The following MIB1 variants were observed in gnomAD, a reference collection of about 807,000 sequenced individuals.
MIB1 encodes E3 ubiquitin-protein ligase MIB1.
A neutral mutation model predicts 124.5 loss-of-function variants in MIB1; 278 were observed. The observed-to-expected ratio is 2.23, with a 90% CI of 2.02 to 2.47. MIB1 has a LOEUF of 2.47. Ranked by LOEUF, MIB1 falls within the 30% of genes most tolerant of loss-of-function variation. MIB1 has a pLI of 0.00. For missense variants in MIB1, 957 were observed against 1,254.4 expected, an observed-to-expected ratio of 0.76 and a Z score of 3.58; for synonymous variants, 446 against 429.4, an observed-to-expected ratio of 1.04 and a Z score of -0.48.
chr18:21,743,221 A>T, intron 1 of MIB1, among the ~76,000 whole-genome samples: 1 of 152,246 alleles, frequency 6.6e-6, no homozygotes, highest in Middle Eastern at 3.2e-3. Flanking sequence ...CATGGCAAGC[A>T]TGTGTGTGAC....
At chr18:21,840,665 A>ATTTTT (rs375520508) in intron 13 of MIB1, among the ~76,000 whole-genome samples, 1 of 3,138 alleles carries the variant, frequency 3.2e-4, no homozygotes, top group African/African-American at 4.3e-4. Flanking sequence ...ATATATATAT[A>ATTTTT]TTTTTTTTTT....
At chr18:21,833,673 G>A (rs560832927) in intron 12 of MIB1, among the ~76,000 whole-genome samples, 2 of 152,298 alleles carry the variant, frequency 1.3e-5, no homozygotes, top group East Asian at 3.9e-4. Context: ...CCTAAAAATT[G>A]ACCCAGTGCC....
chr18:21,864,533 G>C lies in MIB1; in HGVS notation c.2888G>C (p.Cys963Ser). Residue 963 changes from cysteine (C) to serine (S), a missense_variant, in exon 21 of 21, where the codon TGC (cysteine) becomes TCC (serine). By Grantham distance (112) the Cys-to-Ser change is moderately radical. Transcript: ENST00000261537. ...QLQDIKEQTM[C>S]PVCLDRLKNM... ...TGTTATCTCACATTACAGACAATGT[G>C]CCCTGTGTGTCTAGATCGTCTGAAG... is the stretch of plus-strand genomic sequence containing the variant. The C allele has an allele frequency of 6.2e-7, 1 of 1,611,778 alleles. No individual in the cohort carries two copies. Among genetic ancestry groups the C allele is most frequent in the Non-Finnish European group, 8.5e-7 (1 of 1,178,196 alleles).
Position 21,791,372 on chromosome 18 carries a change from A to T in MIB1, c.909-2A>T, listed in dbSNP as rs1467129444. On this transcript the variant is annotated splice_acceptor_variant, in intron 6 of 20. Transcript: ENST00000261537. LOFTEE classifies it high-confidence loss of function. ...TTTTGAGGTTTAGCTTTGCTCTTGT[A>T]GGTGGACCTTCAATCCTGCTGTTCT... 1 of 1,604,170 alleles carries T rather than the reference A, an allele frequency of 6.2e-7. No individual in the cohort carries two copies. Among genetic ancestry groups the T allele is most frequent in the Admixed American group, 1.7e-5 (1 of 58,674 alleles).
At chr18:21,799,813 A>G (rs370107979) in intron 8 of MIB1, 28 bp from the exon 9 acceptor site, 2 of 1,598,408 alleles carry the variant, frequency 1.3e-6, no homozygotes, top group Non-Finnish European at 1.7e-6. Flanking sequence ...ATCCTCCTAT[A>G]TTAGCAGCTT....
chr18:21,727,731 G>GT (rs1450642363), intron 1 of MIB1, among the ~76,000 whole-genome samples: 2 of 152,154 alleles, frequency 1.3e-5, no homozygotes, highest in Non-Finnish European at 1.5e-5. Flanking sequence ...TGCAGCCTGG[G>GT]TGACAGAGCA....
At chr18:21,705,437 GA>G (rs1287432022) in intron 1 of MIB1, among the ~76,000 whole-genome samples, 1 of 152,186 alleles carries the variant, frequency 6.6e-6, no homozygotes, top group Non-Finnish European at 1.5e-5. Context: ...GAGACTTATG[GA>G]AATTCACACC....
At chr18:21,774,867 C>T (rs2041263170) in intron 4 of MIB1, among the ~76,000 whole-genome samples, 1 of 150,868 alleles carries the variant, frequency 6.6e-6, no homozygotes, top group Admixed American at 6.6e-5. Context: ...GGCTGGAATG[C>T]AGTGGCCTGA....
chr18:21,735,417 G>A (rs2040792062), intron 1 of MIB1, among the ~76,000 whole-genome samples: 1 of 152,006 alleles, frequency 6.6e-6, no homozygotes, highest in South Asian at 2.1e-4. Context: ...CAGGGCCCTG[G>A]GTTTCAAGCA....
At position 21,803,123 on chromosome 18, in the gene MIB1, A is replaced by C. The variant is rs1441393028; in HGVS notation, c.1372-784A>C. On this transcript the variant is annotated intron_variant, in intron 9 of 20. Coordinates refer to ENST00000261537, the MANE Select transcript of MIB1 (RefSeq NM_020774.4). ...TTTCCATTTGTTTTCTCTCTTTCAC[A>C]AATGTGTTACTTTTTCTTGTTTTCT... Among the ~76,000 whole-genome samples, 3 of 152,290 alleles carry C rather than the reference A, an allele frequency of 2.0e-5. No individual in the cohort carries two copies. The East Asian group carries it at 5.8e-4, about 29-fold the overall frequency.
rs144491531 is a variant in MIB1, at chr18:21,745,675, AACACAC to A, written c.229+3893_229+3898del. On this transcript the variant is annotated intron_variant, in intron 1 of 20. Transcript: ENST00000261537. ...CCCCATGGTGAGTGCATAGGTGTTA[AACACAC>A]ACACACACACACACACACACACACA... Among the ~76,000 whole-genome samples the A allele has an allele frequency of 3.1e-3, 447 of 144,686 alleles. 2 individuals are homozygous for A. The highest frequency in any genetic ancestry group is 6.5e-3 in the African/African-American group (256 of 39,390). The allele number at this position is 144,686 out of a possible 152,430, so 94.9% of individuals were successfully genotyped here. A position where few individuals can be genotyped will look rare whatever the true frequency, so the allele number is the denominator to read the frequency against.
At chr18:21,742,976 C>T (rs1194417265) in intron 1 of MIB1, among the ~76,000 whole-genome samples, 5 of 152,176 alleles carry the variant, frequency 3.3e-5, no homozygotes, top group African/African-American at 9.6e-5. Context: ...AGACAGTTGT[C>T]TCGTTTTATT....
At chr18:21,779,781 A>C in intron 6 of MIB1, 96 bp downstream of exon 6, 6 of 948,802 alleles carry the variant, frequency 6.3e-6, no homozygotes, top group Non-Finnish European at 9.9e-6. Flanking sequence ...CCAAATACTC[A>C]TTAAAGCTAG....
chr18:21,744,474 T>G (rs1191062743), intron 1 of MIB1, among the ~76,000 whole-genome samples: 1 of 152,160 alleles, frequency 6.6e-6, no homozygotes, highest in African/African-American at 2.4e-5. Context: ...TATTAACTAA[T>G]CTATACACCT....
intron 13 of MIB1, among the ~76,000 whole-genome samples, chr18:21,839,694 G>A (rs942419611): frequency 6.6e-6 from 1 of 152,034 alleles, no homozygotes; most frequent in South Asian, 2.1e-4. Flanking sequence ...GTAAGACAAG[G>A]TCTCACTATG....
At chr18:21,846,449 T>A (rs2042135153) in intron 15 of MIB1, among the ~76,000 whole-genome samples, 2 of 152,328 alleles carry the variant, frequency 1.3e-5, no homozygotes, top group Middle Eastern at 6.8e-3. Context: ...TCTCAGATAA[T>A]ATTATCAGAA....
chr18:21,864,469 C>T, intron 20 of MIB1, 57 bp from the exon 21 acceptor site: 1 of 1,358,940 alleles, frequency 7.4e-7, no homozygotes, highest in Non-Finnish European at 1.0e-6. Context: ...ATATAACAGT[C>T]TGTCACTTTC....
intron 10 of MIB1, among the ~76,000 whole-genome samples, chr18:21,805,900 CTTT>C (rs35904303): frequency 9.5e-6 from 1 of 105,124 alleles, no homozygotes. Context: ...TCTTTCTTTC[CTTT>C]TTTTTTTTTT....
At chr18:21,830,400 A>G (rs1044793983) in intron 12 of MIB1, among the ~76,000 whole-genome samples, 3 of 152,184 alleles carry the variant, frequency 2.0e-5, no homozygotes, top group African/African-American at 4.8e-5. Flanking sequence ...GTAAATGACA[A>G]TAATGTATTT....
Sources: allele counts gnomAD v4.1 joint callset (sites outside exome capture counted in the v4.1 genomes callset), GRCh38; gene constraint gnomAD v4.1.1; transcripts MANE v1.5; gene names NCBI Gene and HGNC (gene_info 2026-07-23, HGNC 2026-07-21).